The following CELF2 variants were observed in gnomAD, a reference collection of about 807,000 sequenced individuals.
CELF2 encodes CUG triplet repeat RNA-binding protein 2.
Under a neutral mutation model 62.6 loss-of-function variants are expected in CELF2, and 8 were observed. The ratio of observed to expected loss-of-function variants is 0.13; its 90% CI spans 0.07 to 0.23. The LOEUF (loss-of-function observed/expected upper bound fraction) is 0.23. CELF2 is among the 10% of genes least tolerant of loss of function. The pLI is 1.00. For missense variants in CELF2, 333 were observed against 671.0 expected (o/e 0.50, Z 5.56); for synonymous variants, 258 against 250.0 (o/e 1.03, Z -0.30).
upstream of CELF2, among the ~76,000 whole-genome samples, chr10:11,000,539 G>A (rs2054414849): frequency 6.6e-6 from 1 of 152,172 alleles, no homozygotes; most frequent in Non-Finnish European, 1.5e-5. Flanking sequence ...ATTTGAAAAT[G>A]AGTGAACAGT....
chr10:11,162,750 T>C (rs1391410428), intron 1 of CELF2, among the ~76,000 whole-genome samples: 1 of 152,192 alleles, frequency 6.6e-6, no homozygotes, highest in African/African-American at 2.4e-5. Flanking sequence ...AGATTTTTGA[T>C]GGTCACTCAT....
chr10:10,772,558 C>T, the CELF2 span, among the ~76,000 whole-genome samples: 9 of 152,248 alleles, frequency 5.9e-5, no homozygotes, highest in African/African-American at 1.7e-4. Flanking sequence ...AATTAGGGTC[C>T]GAGTCAATGA....
chr10:10,904,619 C>T (rs2063189673), intron 1 of CELF2, among the ~76,000 whole-genome samples: 1 of 152,176 alleles, frequency 6.6e-6, no homozygotes, highest in Non-Finnish European at 1.5e-5. Context: ...TTTACATAGC[C>T]ATGGCCTTAT....
At chr10:10,875,834 C>T (rs1291233636) in intron 1 of CELF2, among the ~76,000 whole-genome samples, 1 of 152,226 alleles carries the variant, frequency 6.6e-6, no homozygotes, top group Non-Finnish European at 1.5e-5. Context: ...TACCAATTTG[C>T]TGTTTGCAAG....
At chr10:10,503,580 T>G in the CELF2 span, among the ~76,000 whole-genome samples, 1 of 151,982 alleles carries the variant, frequency 6.6e-6, no homozygotes, top group Admixed American at 6.6e-5. Context: ...TTTCCATTAT[T>G]TTACTTTCAA....
chr10:10,979,626 A>T (rs532456280), intron 2 of CELF2, among the ~76,000 whole-genome samples: 10 of 147,366 alleles, frequency 6.8e-5, no homozygotes, highest in Admixed American at 4.2e-4. Flanking sequence ...AGCCAAGATC[A>T]TGCCACTGCA....
the CELF2 span, among the ~76,000 whole-genome samples, chr10:10,614,284 C>T: frequency 6.6e-6 from 1 of 152,016 alleles, no homozygotes; most frequent in Non-Finnish European, 1.5e-5. Flanking sequence ...AATTAGATGA[C>T]TGCTAGCATT....
intron 5 of CELF2, among the ~76,000 whole-genome samples, chr10:11,259,184 C>G (rs1191029265): frequency 1.3e-5 from 2 of 152,260 alleles, no homozygotes; most frequent in Admixed American, 6.5e-5. Context: ...GATGAAAGCA[C>G]TCGTCTTCAC....
intron 1 of CELF2, among the ~76,000 whole-genome samples, chr10:10,801,075 T>A (rs12570225): frequency 0.1 from 15,827 of 150,804 alleles, 1,191 homozygotes; most frequent in East Asian, 0.33. Context: ...AACCCGTTTT[T>A]AAAAAAAAAA....
At chr10:10,945,305 G>A (rs2047536248) in intron 2 of CELF2, among the ~76,000 whole-genome samples, 1 of 152,298 alleles carries the variant, frequency 6.6e-6, no homozygotes, top group African/African-American at 2.4e-5. Context: ...TGATGAGCAG[G>A]TCTTAGGTAT....
Position 11,005,521 on chromosome 10 carries a change from C to T in CELF2, c.53+81C>T. The T allele has an allele frequency of 6.2e-7, 1 of 1,603,096 alleles. No individual in the cohort carries two copies. The highest frequency in any genetic ancestry group is 8.5e-7 in the Non-Finnish European group (1 of 1,170,706). On this transcript the variant is annotated intron_variant, in intron 1 of 12. Coordinates refer to the CELF2 transcript ENST00000416382. The surrounding 1 kb of genome is among the most constrained non-coding windows in gnomAD (Gnocchi z 4.3). The stretch of plus-strand genomic sequence containing the variant: ...CTGAGACAATAATTATGCTCTGAAT[C>T]AAGTAGCTTCCTTACCTTAGAAGAG...
In CELF2 at chr10:11,075,931, T is replaced by C. The variant is rs1489630259; in HGVS notation, c.74+57768T>C. Among the ~76,000 whole-genome samples the C allele has an allele frequency of 6.6e-6, 1 of 152,142 alleles. No individual in the cohort carries two copies. Among genetic ancestry groups the C allele is most frequent in the Non-Finnish European group, 1.5e-5 (1 of 68,024 alleles). On this transcript the variant is annotated intron_variant, in intron 1 of 12. Transcript: ENST00000633077. This position sits in a 1 kb window ranked among gnomAD's most constrained non-coding sequence, Gnocchi z 5.4. ...GAATGAGTGAAACAAAAAGCTTTCC[T>C]TTTTCTTCCTGTTTTTGTTAGAAGT...
At chr10:10,803,895 A>G (rs1479990195) in intron 1 of CELF2, among the ~76,000 whole-genome samples, 14 of 152,194 alleles carry the variant, frequency 9.2e-5, no homozygotes, top group Non-Finnish European at 1.6e-4. Context: ...CCATGGGGCC[A>G]GGGGCTTTGT....
At chr10:10,684,216 C>A in the CELF2 span, among the ~76,000 whole-genome samples, 1 of 152,084 alleles carries the variant, frequency 6.6e-6, no homozygotes, top group South Asian at 2.1e-4. Flanking sequence ...TTCACAAATC[C>A]TCTAGAATCA....
the CELF2 span, among the ~76,000 whole-genome samples, chr10:10,650,196 A>G: frequency 6.6e-6 from 1 of 152,240 alleles, no homozygotes; most frequent in African/African-American, 2.4e-5. Flanking sequence ...GGGAAATTAA[A>G]AAGAAAAATA....
intron 1 of CELF2, among the ~76,000 whole-genome samples, chr10:10,830,389 A>G (rs1590906130): frequency 6.6e-6 from 1 of 152,038 alleles, no homozygotes; most frequent in South Asian, 2.1e-4. Flanking sequence ...AATCATAGCT[A>G]TTTTATAGCA....
chr10:10,614,957 A>G, the CELF2 span, among the ~76,000 whole-genome samples: 4 of 152,096 alleles, frequency 2.6e-5, no homozygotes, highest in Admixed American at 2.6e-4. Flanking sequence ...GGTCATGGGA[A>G]TCGACGAAGA....
In CELF2 at chr10:11,154,801, A is replaced by G. The variant is rs543545112; in HGVS notation, c.75-10685A>G. The stretch of plus-strand genomic sequence containing the variant: ...ATGATACATTACTGACTGAAAAAAC[A>G]AACTCCCAAAAGGGAACAACTCATT... On this transcript the variant is annotated intron_variant, in intron 1 of 12. Transcript: ENST00000633077. 3.3e-5 allele frequency among the ~76,000 whole-genome samples: 5 copies of G among 152,334 alleles called. No individual in the cohort carries two copies. In the South Asian group the frequency reaches 1.0e-3, roughly 32 times the overall value.
chr10:10,750,942 A>T, the CELF2 span, among the ~76,000 whole-genome samples: 1 of 152,254 alleles, frequency 6.6e-6, no homozygotes, highest in Non-Finnish European at 1.5e-5. Context: ...AGCATCTATG[A>T]AATCCAAATC....
Sources: allele counts gnomAD v4.1 joint callset (sites outside exome capture counted in the v4.1 genomes callset), GRCh38; gene constraint gnomAD v4.1.1; non-coding constraint Gnocchi (gnomAD v3.1); transcripts MANE v1.5; gene names NCBI Gene and HGNC (gene_info 2026-07-23, HGNC 2026-07-21).